The following KCNH1 variants were observed in gnomAD, a reference collection of about 807,000 sequenced individuals.
The protein encoded by KCNH1 is voltage-gated delayed rectifier potassium channel KCNH1.
In KCNH1, 27 loss-of-function variants were observed where a neutral mutation model predicts 69.2. That is an observed-to-expected ratio of 0.39 (90% CI 0.29 to 0.54). The LOEUF is 0.54. Among genes scored for constraint, KCNH1 ranks in the 20% least tolerant of loss-of-function variants. The pLI is 0.68. For synonymous variants in KCNH1, 456 were observed against 487.7 expected (o/e 0.93, Z 0.86); for missense variants, 798 against 1,261.6 (o/e 0.63, Z 5.57).
intron 7 of KCNH1, among the ~76,000 whole-genome samples, chr1:210,836,757 A>G (rs573587969): frequency 1.1e-4 from 16 of 152,186 alleles, no homozygotes; most frequent in Admixed American, 3.3e-4. Flanking sequence ...CACTATAAAG[A>G]TGAGGGAGCA....
chr1:210,749,614 G>T (rs1390742044), intron 10 of KCNH1, among the ~76,000 whole-genome samples: 1 of 152,210 alleles, frequency 6.6e-6, no homozygotes, highest in South Asian at 2.1e-4. Flanking sequence ...CAGATGATTT[G>T]TGTGCAGATT....
chr1:210,893,492 G>T (rs917629944), intron 7 of KCNH1, among the ~76,000 whole-genome samples: 4 of 151,644 alleles, frequency 2.6e-5, no homozygotes, highest in African/African-American at 4.8e-5. Context: ...TAGGTTTTTT[G>T]TGTGTTTTCA....
chr1:210,709,736 G>GAA lies in KCNH1; in HGVS notation c.2113-25599_2113-25598insTT, dbSNP rs1246025325. ...AAGAAAGAAAGAAGAGAGAGAGAGA[G>GAA]AGAGAAAGAGAGAGAGAGAGAGAGA... On this transcript the variant is annotated intron_variant, in intron 10 of 10. Coordinates refer to ENST00000271751, the MANE Select transcript of KCNH1 (RefSeq NM_172362.3). 1.1e-4 allele frequency among the ~76,000 whole-genome samples: 8 copies of GAA among 72,530 alleles called. No individual in the cohort carries two copies. In the South Asian group the frequency reaches 5.0e-3, roughly 45 times the overall value. 47.6% of individuals were successfully genotyped at this position (72,530 alleles called of 152,430 possible).
intron 10 of KCNH1, among the ~76,000 whole-genome samples, chr1:210,691,833 G>A (rs34965460): frequency 0.075 from 11,357 of 152,264 alleles, 474 homozygotes; most frequent in Middle Eastern, 0.11. Flanking sequence ...ATTGATTAAG[G>A]TAAAAAAGAG....
At chr1:211,030,318 T>G (rs545850068) in intron 5 of KCNH1, among the ~76,000 whole-genome samples, 1 of 152,188 alleles carries the variant, frequency 6.6e-6, no homozygotes, top group South Asian at 2.1e-4. Context: ...AATAAAGCTG[T>G]TTTTAAAAAG....
Position 210,708,292 on chromosome 1 carries a change from A to C in KCNH1, c.2113-24154T>G, listed in dbSNP as rs560415797. Among the ~76,000 whole-genome samples the C allele has an allele frequency of 1.3e-4, 20 of 152,162 alleles. No individual in the cohort carries two copies. In the East Asian group the frequency reaches 3.9e-3, roughly 30 times the overall value. On this transcript the variant is annotated intron_variant, in intron 10 of 10. Coordinates refer to ENST00000271751, the MANE Select transcript of KCNH1 (RefSeq NM_172362.3). ...ATTCCACTTCTTCCATTGAAGTGGA[A>C]TCAATCTTCAATGATTCCACTTCCT...
chr1:210,706,990 A>G (rs551134615), intron 10 of KCNH1, among the ~76,000 whole-genome samples: 2 of 152,366 alleles, frequency 1.3e-5, no homozygotes, highest in East Asian at 1.9e-4. Flanking sequence ...AAGAGAAAGC[A>G]TAGTCCCTAC....
At chr1:210,846,753 T>G (rs979327582) in intron 7 of KCNH1, among the ~76,000 whole-genome samples, 10 of 151,604 alleles carry the variant, frequency 6.6e-5, no homozygotes, top group Non-Finnish European at 1.0e-4. Flanking sequence ...ACTAAAGAGC[T>G]TCTGCACAGC....
At chr1:210,895,944 A>G (rs1686857375) in intron 7 of KCNH1, among the ~76,000 whole-genome samples, 1 of 152,156 alleles carries the variant, frequency 6.6e-6, no homozygotes, top group Admixed American at 6.5e-5. Context: ...ATCCTACGGT[A>G]ATATTGCAGA....
At chr1:211,096,621 C>T (rs1691160423) in intron 3 of KCNH1, among the ~76,000 whole-genome samples, 1 of 152,094 alleles carries the variant, frequency 6.6e-6, no homozygotes, top group South Asian at 2.1e-4. Context: ...AAAACAAGAC[C>T]TAAATAAATG....
intron 5 of KCNH1, among the ~76,000 whole-genome samples, chr1:211,073,456 A>G (rs970682141): frequency 4.4e-4 from 67 of 152,202 alleles, no homozygotes; most frequent in African/African-American, 1.6e-3. Context: ...ATTCACTAAG[A>G]TAGGCCACAT....
At chr1:210,931,494 A>G (rs1481293381) in intron 6 of KCNH1, among the ~76,000 whole-genome samples, 1 of 152,160 alleles carries the variant, frequency 6.6e-6, no homozygotes, top group South Asian at 2.1e-4. Context: ...AGAATGATAC[A>G]TTGGACTTTG....
At chr1:211,080,894 G>A (rs544500839) in intron 5 of KCNH1, among the ~76,000 whole-genome samples, 139 of 152,224 alleles carry the variant, frequency 9.1e-4, no homozygotes, top group Non-Finnish European at 1.6e-3. Context: ...TACCATTCAG[G>A]ACATAGGCAT....
chr1:210,968,004 C>T (rs1688440596), intron 6 of KCNH1, among the ~76,000 whole-genome samples: 1 of 152,112 alleles, frequency 6.6e-6, no homozygotes, highest in Non-Finnish European at 1.5e-5. Flanking sequence ...TCTCCCGATG[C>T]TATCCCCGCC....
At position 211,025,212 on chromosome 1, in the gene KCNH1, T is replaced by C. The variant is rs571609493; in HGVS notation, c.559-5956A>G. Among the ~76,000 whole-genome samples the C allele has an allele frequency of 2.6e-5, 4 of 152,276 alleles. No homozygotes were observed. In the South Asian group the frequency reaches 8.3e-4, roughly 32 times the overall value. ...TTGCAGGTTCTTATAAATCTCTAGG[T>C]AAAACTCCCTCTTGTGTCATAGGAA... On this transcript the variant is annotated intron_variant, in intron 5 of 10. Transcript: ENST00000271751.
At chr1:211,044,173 A>G (rs371299900) in intron 5 of KCNH1, among the ~76,000 whole-genome samples, 13 of 152,218 alleles carry the variant, frequency 8.5e-5, no homozygotes, top group East Asian at 5.8e-4. Context: ...TGATGATATG[A>G]TTGTATACCT....
intron 10 of KCNH1, among the ~76,000 whole-genome samples, chr1:210,752,357 C>T (rs1683301874): frequency 6.6e-6 from 1 of 152,200 alleles, no homozygotes; most frequent in East Asian, 1.9e-4. Flanking sequence ...TAATGTCTAA[C>T]ACAAATCTCT....
intron 5 of KCNH1, among the ~76,000 whole-genome samples, chr1:211,060,760 T>C (rs1690421026): frequency 6.6e-6 from 1 of 152,064 alleles, no homozygotes; most frequent in Non-Finnish European, 1.5e-5. Context: ...GATTGAGCCA[T>C]GAAGTAATCC....
intron 2 of KCNH1, among the ~76,000 whole-genome samples, chr1:211,104,645 A>G (rs932137648): frequency 6.6e-6 from 1 of 152,122 alleles, no homozygotes; most frequent in East Asian, 1.9e-4. Flanking sequence ...ACATCTTTCA[A>G]TGGGGCTGGA....
Sources: allele counts gnomAD v4.1 joint callset (sites outside exome capture counted in the v4.1 genomes callset), GRCh38; gene constraint gnomAD v4.1.1; transcripts MANE v1.5; gene names NCBI Gene and HGNC (gene_info 2026-07-23, HGNC 2026-07-21).